The following ATRNL1 variants were observed in gnomAD, a reference collection of about 807,000 sequenced individuals.
The protein encoded by ATRNL1 is attractin-like protein 1.
ATRNL1 carries 95 observed loss-of-function variants against 182.7 expected under a neutral mutation model. The ratio of observed to expected loss-of-function variants is 0.52; its 90% confidence interval spans 0.44 to 0.62. ATRNL1 has a LOEUF of 0.62. Ranked by LOEUF, ATRNL1 falls within the 20% of genes least tolerant of loss-of-function variation. The pLI is 0.00. For missense variants in ATRNL1, 1,471 were observed against 1,679.5 expected (o/e 0.88, Z 2.17); for synonymous variants, 576 against 568.3 (o/e 1.01, Z -0.19).
chr10:115,594,227 A>G (rs1441413230), intron 26 of ATRNL1, among the ~76,000 whole-genome samples: 4 of 152,256 alleles, frequency 2.6e-5, no homozygotes, highest in Admixed American at 6.5e-5. Flanking sequence ...CTATACATAT[A>G]TATGCATGAT....
Position 115,217,048 on chromosome 10 carries a change from A to G in ATRNL1, c.1532+1168A>G, listed in dbSNP as rs1000929717. Among the ~76,000 whole-genome samples the G allele has an allele frequency of 4.6e-5, 7 of 152,116 alleles. No homozygotes were observed. In the East Asian group the frequency reaches 1.3e-3, roughly 29 times the overall value. Reference sequence around the variant, plus strand: ...GGAATTGTGGTATAGTGATGAAGGTACTATCAGTCTGTTACACATTTTAAA... The same window carrying G: ...GGAATTGTGGTATAGTGATGAAGGTGCTATCAGTCTGTTACACATTTTAAA... On this transcript the variant is annotated intron_variant, in intron 9 of 28. Coordinates refer to ENST00000355044, the MANE Select transcript of ATRNL1 (RefSeq NM_207303.4).
chr10:115,113,343 G>T (rs1844339197), intron 1 of ATRNL1, among the ~76,000 whole-genome samples: 1 of 152,172 alleles, frequency 6.6e-6, no homozygotes, highest in South Asian at 2.1e-4. Context: ...GCAATTTTGT[G>T]AGAGTTTCTA....
intron 19 of ATRNL1, among the ~76,000 whole-genome samples, chr10:115,392,278 A>T (rs1248701272): frequency 1.3e-5 from 2 of 152,148 alleles, no homozygotes; most frequent in African/African-American, 2.4e-5. Context: ...CAAGCAAGAC[A>T]TAGAGTATAA....
intron 28 of ATRNL1, among the ~76,000 whole-genome samples, chr10:115,864,578 A>T (rs1184529593): frequency 6.6e-6 from 1 of 152,232 alleles, no homozygotes; most frequent in Admixed American, 6.5e-5. Flanking sequence ...CAAGGTCAAT[A>T]TAGCTAGTAA....
intron 10 of ATRNL1, among the ~76,000 whole-genome samples, chr10:115,252,485 G>T (rs1248635093): frequency 6.6e-6 from 1 of 152,224 alleles, no homozygotes; most frequent in Non-Finnish European, 1.5e-5. Context: ...GGTCATGCTG[G>T]AGAGTAGCCT....
chr10:115,662,628 G>A (rs748279449), intron 26 of ATRNL1, among the ~76,000 whole-genome samples: 1 of 151,904 alleles, frequency 6.6e-6, no homozygotes, highest in African/African-American at 2.4e-5. Flanking sequence ...TGCTTAGTTG[G>A]CAATAACATC....
At chr10:115,181,488 T>TA (rs1389211496) in intron 8 of ATRNL1, among the ~76,000 whole-genome samples, 7 of 151,670 alleles carry the variant, frequency 4.6e-5, no homozygotes, top group African/African-American at 1.7e-4. Context: ...ATTTACTTGT[T>TA]AAAAAAAATC....
intron 26 of ATRNL1, among the ~76,000 whole-genome samples, chr10:115,686,245 A>G (rs548167788): frequency 1.8e-4 from 27 of 152,092 alleles, no homozygotes; most frequent in Non-Finnish European, 3.7e-4. Context: ...CCATGTTTGA[A>G]TGGTTGAAGA....
chr10:115,417,570 G>A (rs373763952), intron 20 of ATRNL1, among the ~76,000 whole-genome samples: 3 of 152,152 alleles, frequency 2.0e-5, no homozygotes, highest in African/African-American at 7.2e-5. Context: ...AATTGAGGTG[G>A]GCTATCCAAC....
intron 20 of ATRNL1, 61 bp from the exon 21 acceptor site, chr10:115,426,189 A>G (rs1845878099): frequency 3.6e-6 from 5 of 1,390,572 alleles, no homozygotes; most frequent in Non-Finnish European, 5.0e-6. Flanking sequence ...TTGCTTGAAG[A>G]AAAACATGAG....
At chr10:115,208,197 T>G (rs1222184152) in intron 8 of ATRNL1, among the ~76,000 whole-genome samples, 1 of 152,076 alleles carries the variant, frequency 6.6e-6, no homozygotes, top group Non-Finnish European at 1.5e-5. Context: ...TTTTTGCTAT[T>G]ACTTGTTATC....
chr10:115,757,403 C>A (rs1555072341), intron 27 of ATRNL1, among the ~76,000 whole-genome samples: 1 of 152,142 alleles, frequency 6.6e-6, no homozygotes, highest in Non-Finnish European at 1.5e-5. Flanking sequence ...GATTTTATTT[C>A]TCTTTCACTT....
At chr10:115,758,787 G>T (rs114223479) in intron 27 of ATRNL1, among the ~76,000 whole-genome samples, 1 of 152,230 alleles carries the variant, frequency 6.6e-6, no homozygotes, top group Non-Finnish European at 1.5e-5. Flanking sequence ...CGCCCAGTTC[G>T]AACTTCCTGG....
chr10:115,919,936 G>A (rs535097804), intron 28 of ATRNL1, among the ~76,000 whole-genome samples: 4 of 152,194 alleles, frequency 2.6e-5, no homozygotes, highest in Admixed American at 6.6e-5. Context: ...CCTAATCACC[G>A]CCAAAAGGCA....
intron 26 of ATRNL1, among the ~76,000 whole-genome samples, chr10:115,619,610 A>G (rs564421494): frequency 4.9e-4 from 75 of 152,352 alleles, no homozygotes; most frequent in African/African-American, 1.8e-3. Context: ...CTTTTGTAAT[A>G]TGAATTTAAA....
chr10:115,540,693 G>T (rs1852302470), intron 25 of ATRNL1, among the ~76,000 whole-genome samples: 1 of 150,794 alleles, frequency 6.6e-6, no homozygotes. Flanking sequence ...GGAGGCGGAG[G>T]TTGCAGTGAA....
chr10:115,690,484 C>T (rs1382855537), intron 26 of ATRNL1, among the ~76,000 whole-genome samples: 1 of 152,180 alleles, frequency 6.6e-6, no homozygotes, highest in Non-Finnish European at 1.5e-5. Flanking sequence ...CACTCACCCA[C>T]TGTTCATCTC....
At chr10:115,152,097 T>C (rs141144046) in intron 5 of ATRNL1, among the ~76,000 whole-genome samples, 3,782 of 152,314 alleles carry the variant, frequency 0.025, 156 homozygotes, top group African/African-American at 0.086. Context: ...ACCTGTACCA[T>C]GCTGTTTTGG....
At chr10:115,201,798 T>C (rs1262428563) in intron 8 of ATRNL1, among the ~76,000 whole-genome samples, 1 of 152,160 alleles carries the variant, frequency 6.6e-6, no homozygotes, top group Non-Finnish European at 1.5e-5. Flanking sequence ...GGGGATGGCA[T>C]TGAACCTATA....
Sources: allele counts gnomAD v4.1 joint callset (sites outside exome capture counted in the v4.1 genomes callset), GRCh38; gene constraint gnomAD v4.1.1; transcripts MANE v1.5; gene names NCBI Gene and HGNC (gene_info 2026-07-23, HGNC 2026-07-21).